The following PRKG1 variants were observed in gnomAD, a reference collection of about 807,000 sequenced individuals.
PRKG1 encodes the protein protein kinase cGMP-dependent 1, also known as cGMP-dependent protein kinase 1.
In PRKG1, 35 loss-of-function variants were observed where a neutral mutation model predicts 88.1. That is an observed-to-expected ratio of 0.40 (90% CI 0.30 to 0.53). The LOEUF (loss-of-function observed/expected upper bound fraction) is 0.53. PRKG1 is among the 20% of genes least tolerant of loss of function. The pLI is 0.59. For missense variants in PRKG1, 540 were observed against 839.8 expected (o/e 0.64, Z 4.41); for synonymous variants, 303 against 292.5 (o/e 1.04, Z -0.37).
At chr10:51,940,166 T>A (rs1166301850) in intron 5 of PRKG1, among the ~76,000 whole-genome samples, 2 of 151,922 alleles carry the variant, frequency 1.3e-5, no homozygotes, top group African/African-American at 4.8e-5. Flanking sequence ...ATACCAAATA[T>A]CCCCTGCTTT....
intron 4 of PRKG1, among the ~76,000 whole-genome samples, chr10:51,817,346 A>ACC (rs1332540212): frequency 2.2e-3 from 80 of 36,348 alleles, no homozygotes; most frequent in Non-Finnish European, 3.4e-3. Flanking sequence ...ATCCCTCCCC[A>ACC]ACCCCCCCCC....
intron 3 of PRKG1, among the ~76,000 whole-genome samples, chr10:51,721,984 C>T (rs1340817374): frequency 6.6e-6 from 1 of 152,172 alleles, no homozygotes; most frequent in Non-Finnish European, 1.5e-5. Flanking sequence ...GTAATCCCAG[C>T]ACTTTGGGAG....
intron 3 of PRKG1, among the ~76,000 whole-genome samples, chr10:51,749,510 G>A (rs1837665451): frequency 6.6e-6 from 1 of 152,020 alleles, no homozygotes; most frequent in Non-Finnish European, 1.5e-5. Flanking sequence ...ATCAGATTAT[G>A]ACCCCTCCAT....
intron 4 of PRKG1, among the ~76,000 whole-genome samples, chr10:51,892,670 C>T (rs1343143517): frequency 1.3e-5 from 2 of 152,186 alleles, no homozygotes; most frequent in Non-Finnish European, 2.9e-5. Flanking sequence ...GTTTGCTTGT[C>T]ACAAGGATCA....
chr10:51,163,536 C>T (rs1039599811), intron 2 of PRKG1, among the ~76,000 whole-genome samples: 9 of 152,108 alleles, frequency 5.9e-5, no homozygotes, highest in Admixed American at 4.6e-4. Flanking sequence ...AGACAATGGG[C>T]GCAAGACAGT....
chr10:51,074,570 C>A lies in PRKG1; in HGVS notation c.-21C>A. The A allele has an allele frequency of 6.3e-7, 1 of 1,593,726 alleles. No homozygotes were observed. ...GACGCGGAGCAGCGGCAGGAAGGAG[C>A]CCCCGGCAGCCCGGAGGAGCATGGG... On this transcript the variant is annotated 5_prime_UTR_variant, in exon 1 of 18. Coordinates refer to ENST00000373980, the MANE Select transcript of PRKG1 (RefSeq NM_006258.4).
chr10:52,228,826 TG>T lies in PRKG1; in HGVS notation c.1077-22741del, dbSNP rs1416215851. 5.9e-5 allele frequency among the ~76,000 whole-genome samples: 9 copies of T among 152,164 alleles called. No individual in the cohort carries two copies. In the East Asian group the frequency reaches 1.7e-3, roughly 29 times the overall value. ...ACCAGGATCCTCAGGTCTGCATCAC[TG>T]GGCAGAAGTGGGTGGTTGATAATAT... On this transcript the variant is annotated intron_variant, in intron 9 of 17. Transcript: ENST00000373980.
intron 2 of PRKG1, among the ~76,000 whole-genome samples, chr10:51,171,856 A>G (rs1837034543): frequency 6.6e-6 from 1 of 152,088 alleles, no homozygotes; most frequent in Non-Finnish European, 1.5e-5. Flanking sequence ...GGTTTCCTTA[A>G]TAATAAATTA....
At chr10:51,941,388 G>A (rs1360845785) in intron 5 of PRKG1, among the ~76,000 whole-genome samples, 1 of 151,852 alleles carries the variant, frequency 6.6e-6, no homozygotes, top group Non-Finnish European at 1.5e-5. Flanking sequence ...ATTCTACATT[G>A]AATTTAACAT....
At chr10:51,022,993 G>A (rs552265875) in intron 1 of PRKG1, among the ~76,000 whole-genome samples, 5 of 152,088 alleles carry the variant, frequency 3.3e-5, no homozygotes, top group African/African-American at 4.8e-5. Context: ...GCGAAGCTCC[G>A]TCTCAGAAAC....
chr10:51,298,630 G>T lies in PRKG1; in HGVS notation c.478+145300G>T, dbSNP rs569172009. On this transcript the variant is annotated intron_variant, in intron 2 of 17. Coordinates refer to ENST00000373980, the MANE Select transcript of PRKG1 (RefSeq NM_006258.4). ...TATTTTATAAAACTATAAGCCTGGA[G>T]TCTAGGGGGTAATGTAGGAATTGAA... is the stretch of plus-strand genomic sequence containing the variant. Among the ~76,000 whole-genome samples the T allele has an allele frequency of 3.9e-5, 6 of 152,316 alleles. No individual in the cohort carries two copies. In the South Asian group the frequency reaches 1.2e-3, roughly 32 times the overall value.
chr10:51,362,828 T>A (rs1842511551), intron 2 of PRKG1, among the ~76,000 whole-genome samples: 1 of 151,882 alleles, frequency 6.6e-6, no homozygotes, highest in Non-Finnish European at 1.5e-5. Context: ...CTTCCCTGTG[T>A]CCATGTGTTC....
At position 52,238,626 on chromosome 10, in the gene PRKG1, A is replaced by T. The variant is rs895637122; in HGVS notation, c.1077-12944A>T. 4.5e-4 allele frequency among the ~76,000 whole-genome samples: 68 copies of T among 149,986 alleles called. 1 individual carries two copies. Among genetic ancestry groups the T allele is most frequent in the African/African-American group, 1.5e-3 (63 of 41,380 alleles). Reference sequence around the variant, plus strand: ...CAAATCAAAACCACTATGAAATACCATCTCACACCAGTTAGAATGGCAATC... The same window carrying T: ...CAAATCAAAACCACTATGAAATACCTTCTCACACCAGTTAGAATGGCAATC... On this transcript the variant is annotated intron_variant, in intron 9 of 17. Coordinates refer to ENST00000373980, the MANE Select transcript of PRKG1 (RefSeq NM_006258.4).
At chr10:51,622,968 G>A (rs550760563) in intron 3 of PRKG1, among the ~76,000 whole-genome samples, 2 of 152,280 alleles carry the variant, frequency 1.3e-5, no homozygotes, top group Non-Finnish European at 2.9e-5. Context: ...CACATGATTA[G>A]CTCTGTAAAT....
At chr10:51,337,764 G>A (rs79630277) in intron 2 of PRKG1, among the ~76,000 whole-genome samples, 1 of 152,182 alleles carries the variant, frequency 6.6e-6, no homozygotes, top group Non-Finnish European at 1.5e-5. Flanking sequence ...ATGCTGGTGA[G>A]GTTGCGGAGA....
chr10:52,080,067 G>A lies in PRKG1; in HGVS notation c.935+17436G>A, dbSNP rs556171217. On this transcript the variant is annotated intron_variant, in intron 7 of 17. Coordinates refer to ENST00000373980, the MANE Select transcript of PRKG1 (RefSeq NM_006258.4). ...TTTGAACTTCAAGTCCTACGACACA[G>A]CTCCAAATCTACTTCTTTGGCTTTA... Among the ~76,000 whole-genome samples, 12 of 152,238 alleles carry A rather than the reference G, an allele frequency of 7.9e-5. No homozygotes were observed. The East Asian group carries it at 2.3e-3, about 29-fold the overall frequency.
At chr10:51,550,030 T>G (rs921762885) in intron 3 of PRKG1, among the ~76,000 whole-genome samples, 32 of 152,136 alleles carry the variant, frequency 2.1e-4, no homozygotes, top group African/African-American at 7.5e-4. Context: ...TTACTGATCA[T>G]AATAGAATTG....
chr10:51,335,450 C>T (rs1039759041), intron 2 of PRKG1, among the ~76,000 whole-genome samples: 1 of 152,070 alleles, frequency 6.6e-6, no homozygotes, highest in Non-Finnish European at 1.5e-5. Flanking sequence ...AAATATTTTC[C>T]TCTGTCCCAT....
chr10:51,585,305 A>G (rs1838145491), intron 3 of PRKG1, among the ~76,000 whole-genome samples: 2 of 152,104 alleles, frequency 1.3e-5, no homozygotes, highest in South Asian at 4.1e-4. Context: ...TTATAAAAGA[A>G]TAATATTAAT....
Sources: gnomAD v4.1 joint callset for allele counts (sites outside exome capture counted in the v4.1 genomes callset) on GRCh38, gnomAD v4.1.1 for gene constraint, MANE v1.5 for transcripts, NCBI Gene and HGNC (gene_info 2026-07-23, HGNC 2026-07-21) for gene names.